The following PLEKHG1 variants were observed in gnomAD, a reference collection of about 807,000 sequenced individuals.
The protein encoded by PLEKHG1 is pleckstrin homology and RhoGEF domain containing G1.
A neutral mutation model predicts 100.8 loss-of-function variants in PLEKHG1; 44 were observed. That is an observed-to-expected ratio of 0.44 (90% CI 0.34 to 0.56). The LOEUF (loss-of-function observed/expected upper bound fraction) is 0.56, where lower values mean the gene tolerates loss of function less well. Ranked by LOEUF, PLEKHG1 falls within the 20% of genes least tolerant of loss-of-function variation. The pLI is 0.01. For missense variants in PLEKHG1, 1,545 were observed against 1,720.9 expected, an observed-to-expected ratio of 0.90 and a Z score of 1.81; for synonymous variants, 640 against 662.5, an observed-to-expected ratio of 0.97 and a Z score of 0.52.
At chr6:150,690,869 G>A (rs1196969842) in intron 3 of PLEKHG1, among the ~76,000 whole-genome samples, 1 of 152,228 alleles carries the variant, frequency 6.6e-6, no homozygotes, top group East Asian at 1.9e-4. Flanking sequence ...CTTTTGGAAA[G>A]CTGCTTCAGC....
At chr6:150,617,638 G>A (rs914111301) in intron 1 of PLEKHG1, among the ~76,000 whole-genome samples, 3 of 152,134 alleles carry the variant, frequency 2.0e-5, no homozygotes, top group Admixed American at 6.5e-5. Flanking sequence ...ATCTCTTTCC[G>A]GCTGCCGAAG....
At chr6:150,721,283 C>A in intron 1 of PLEKHG1, 1 of 552,316 alleles carries the variant, frequency 1.8e-6, no homozygotes, top group Non-Finnish European at 2.3e-6. Flanking sequence ...AGAGGTCCAC[C>A]GAGGTGAGAA....
At chr6:150,708,082 TG>T (rs1430044938) in intron 3 of PLEKHG1, among the ~76,000 whole-genome samples, 1 of 152,182 alleles carries the variant, frequency 6.6e-6, no homozygotes, top group Non-Finnish European at 1.5e-5. Context: ...CTTTTCCTTA[TG>T]GGAAAAGGAT....
chr6:150,661,755 T>C (rs1779203110), intron 3 of PLEKHG1, among the ~76,000 whole-genome samples: 1 of 152,218 alleles, frequency 6.6e-6, no homozygotes, highest in Non-Finnish European at 1.5e-5. Flanking sequence ...TATAGTGATA[T>C]GGAAATCAGT....
At position 150,832,000 on chromosome 6, in the gene PLEKHG1, C is replaced by A. The variant is rs760452689; in HGVS notation, c.2889C>A (p.Asp963Glu). 1.2e-6 allele frequency: 2 copies of A among 1,613,710 alleles called. No homozygotes were observed. Among genetic ancestry groups the A allele is most frequent in the African/African-American group, 1.3e-5 (1 of 75,026 alleles). Residue 963 changes from aspartate to glutamate, a missense_variant, in exon 15 of 16, where the codon GAC (aspartate) becomes GAA (glutamate). Transcript: ENST00000358517. This position sits in a 1 kb window ranked among gnomAD's most constrained non-coding sequence, Gnocchi z 4.1. ...CTCAAACAGACCCAGAAAACCCTGA[C>A]CTGGGGATGGAGGCCACAGATAAGA... is the stretch of plus-strand genomic sequence containing the variant.
chr6:150,674,669 C>CTCTCTCTCTA (rs1779689789), intron 3 of PLEKHG1, among the ~76,000 whole-genome samples: 1 of 144,636 alleles, frequency 6.9e-6, no homozygotes, highest in African/African-American at 2.6e-5. Flanking sequence ...CTCTCTCTCT[C>CTCTCTCTCTA]TCTCTCTCTC....
intron 1 of PLEKHG1, among the ~76,000 whole-genome samples, chr6:150,610,529 G>A (rs913160093): frequency 6.6e-6 from 1 of 152,082 alleles, no homozygotes; most frequent in African/African-American, 2.4e-5. Context: ...GTTGAAATTA[G>A]CTTTAAGAAA....
chr6:150,612,057 C>CA (rs1582808893), intron 1 of PLEKHG1, among the ~76,000 whole-genome samples: 10 of 107,106 alleles, frequency 9.3e-5, no homozygotes, highest in East Asian at 2.7e-4. Flanking sequence ...CCCCCCCCCC[C>CA]CCCTTTTCTA....
At chr6:150,650,078 G>GA (rs530126034) in intron 2 of PLEKHG1, among the ~76,000 whole-genome samples, 11,089 of 140,496 alleles carry the variant, frequency 0.079, 525 homozygotes, top group Non-Finnish European at 0.11. Flanking sequence ...AAAAAAGAAA[G>GA]AAAAAAAAAA....
chr6:150,816,946 A>AGGGT (rs1775995647), intron 10 of PLEKHG1, among the ~76,000 whole-genome samples: 1 of 152,136 alleles, frequency 6.6e-6, no homozygotes, highest in Non-Finnish European at 1.5e-5. Flanking sequence ...TCCTATGAGT[A>AGGGT]TCTAATGCTG....
At chr6:150,799,584 C>G (rs1406424311) in intron 5 of PLEKHG1, among the ~76,000 whole-genome samples, 1 of 152,198 alleles carries the variant, frequency 6.6e-6, no homozygotes, top group African/African-American at 2.4e-5. Flanking sequence ...GGCTACAGAG[C>G]AGCCGATTCT....
intron 1 of PLEKHG1, among the ~76,000 whole-genome samples, chr6:150,726,165 C>T (rs1230461803): frequency 6.6e-6 from 1 of 152,086 alleles, no homozygotes. Context: ...TTCAGCTATG[C>T]AAGATGAGTA....
chr6:150,839,964 G>A (rs1233198852), exon 16 of PLEKHG1: 1 of 1,613,946 alleles, frequency 6.2e-7, no homozygotes, highest in Non-Finnish European at 8.5e-7. Context: ...ACCTTCCCAG[G>A]TCCACCATGG....
intron 3 of PLEKHG1, among the ~76,000 whole-genome samples, chr6:150,715,924 C>T (rs1461771298): frequency 6.8e-6 from 1 of 147,328 alleles, no homozygotes; most frequent in Non-Finnish European, 1.5e-5. Context: ...CTGGCTAACA[C>T]GGTGAAACCC....
At chr6:150,736,222 A>C (rs995962916) in intron 2 of PLEKHG1, among the ~76,000 whole-genome samples, 1 of 152,030 alleles carries the variant, frequency 6.6e-6, no homozygotes, top group African/African-American at 2.4e-5. Context: ...CAGTTTGCTC[A>C]CCCCTGTCTT....
intron 3 of PLEKHG1, among the ~76,000 whole-genome samples, chr6:150,775,389 A>G (rs1460415581): frequency 1.3e-5 from 2 of 152,218 alleles, no homozygotes; most frequent in East Asian, 1.9e-4. Flanking sequence ...ATTGTTTCTT[A>G]GGAGATTAAA....
chr6:150,644,286 A>G (rs1006187407), intron 2 of PLEKHG1, among the ~76,000 whole-genome samples: 1 of 150,510 alleles, frequency 6.6e-6, no homozygotes, highest in Non-Finnish European at 1.5e-5. Context: ...GTCAATAAAC[A>G]TTTGACAAGG....
chr6:150,790,448 G>C (rs1463919282), intron 4 of PLEKHG1, among the ~76,000 whole-genome samples: 1 of 152,206 alleles, frequency 6.6e-6, no homozygotes, highest in African/African-American at 2.4e-5. Flanking sequence ...TGGGGAAACA[G>C]ACACTCATAA....
At chr6:150,649,503 C>T (rs1778628510) in intron 2 of PLEKHG1, among the ~76,000 whole-genome samples, 1 of 152,224 alleles carries the variant, frequency 6.6e-6, no homozygotes, top group South Asian at 2.1e-4. Flanking sequence ...TGAAGATACC[C>T]AGCTGAGAAA....
Sources: gnomAD v4.1 joint callset for allele counts (sites outside exome capture counted in the v4.1 genomes callset) on GRCh38, gnomAD v4.1.1 for gene constraint, Gnocchi (gnomAD v3.1) non-coding constraint, MANE v1.5 for transcripts, NCBI Gene and HGNC (gene_info 2026-07-23, HGNC 2026-07-21) for gene names.